Variants in CACNA2D3 observed in about 807,000 individuals in gnomAD.
CACNA2D3 encodes calcium voltage-gated channel auxiliary subunit alpha2delta 3.
Under a neutral mutation model 160.6 loss-of-function variants are expected in CACNA2D3, and 60 were observed. The ratio of observed to expected loss-of-function variants is 0.37; its 90% CI spans 0.30 to 0.46. The LOEUF (loss-of-function observed/expected upper bound fraction) is 0.46, where lower values mean the gene tolerates loss of function less well. Ranked by LOEUF, CACNA2D3 falls within the 20% of genes least tolerant of loss-of-function variation. The pLI is 1.00. For synonymous variants in CACNA2D3, 558 were observed against 492.9 expected (o/e 1.13, Z -1.75); for missense variants, 1,205 against 1,365.0 (o/e 0.88, Z 1.85).
At chr3:54,668,303 C>T (rs746903263) in intron 11 of CACNA2D3, among the ~76,000 whole-genome samples, 1 of 152,088 alleles carries the variant, frequency 6.6e-6, no homozygotes, top group Non-Finnish European at 1.5e-5. Flanking sequence ...AAGACCTGAG[C>T]CTTCATTCTC....
At chr3:54,305,753 T>C (rs1703583618) in intron 2 of CACNA2D3, among the ~76,000 whole-genome samples, 1 of 152,178 alleles carries the variant, frequency 6.6e-6, no homozygotes, top group African/African-American at 2.4e-5. Context: ...ACTATAAATA[T>C]AGATGAGAAA....
At chr3:54,452,099 T>C (rs1001215506) in intron 4 of CACNA2D3, among the ~76,000 whole-genome samples, 10 of 152,208 alleles carry the variant, frequency 6.6e-5, no homozygotes, top group Admixed American at 5.9e-4. Flanking sequence ...ATTAGTCTGT[T>C]CTCAGGCTGC....
At chr3:54,819,206 C>T (rs1196786523) in intron 14 of CACNA2D3, among the ~76,000 whole-genome samples, 2 of 152,176 alleles carry the variant, frequency 1.3e-5, no homozygotes, top group Admixed American at 6.5e-5. Flanking sequence ...GGCCTTCATC[C>T]ATTTGTTACC....
At chr3:54,140,835 T>A (rs1350622009) in intron 2 of CACNA2D3, among the ~76,000 whole-genome samples, 1 of 152,142 alleles carries the variant, frequency 6.6e-6, no homozygotes, top group Non-Finnish European at 1.5e-5. Context: ...ATAGTCTCTG[T>A]CAGAAAATAT....
At chr3:54,484,428 G>A (rs1184333921) in intron 4 of CACNA2D3, among the ~76,000 whole-genome samples, 2 of 152,182 alleles carry the variant, frequency 1.3e-5, no homozygotes, top group Middle Eastern at 3.4e-3. Context: ...GCTCTGTGTT[G>A]AAGATGCTAG....
At chr3:54,262,168 G>A (rs1447361873) in intron 2 of CACNA2D3, among the ~76,000 whole-genome samples, 1 of 152,194 alleles carries the variant, frequency 6.6e-6, no homozygotes, top group Non-Finnish European at 1.5e-5. Flanking sequence ...GCAAGGATGG[G>A]TAGATTTTGC....
intron 4 of CACNA2D3, among the ~76,000 whole-genome samples, chr3:54,458,602 T>A (rs546540463): frequency 6.6e-6 from 1 of 152,192 alleles, no homozygotes; most frequent in Non-Finnish European, 1.5e-5. Flanking sequence ...TAGCATTCTC[T>A]CTTTGTCTCA....
At chr3:54,923,457 T>G (rs1700911641) in intron 27 of CACNA2D3, among the ~76,000 whole-genome samples, 1 of 152,154 alleles carries the variant, frequency 6.6e-6, no homozygotes, top group African/African-American at 2.4e-5. Context: ...CATCTTCCCA[T>G]CCATCCTATC....
At chr3:54,978,000 A>G (rs1047586591) in intron 29 of CACNA2D3, among the ~76,000 whole-genome samples, 1 of 152,102 alleles carries the variant, frequency 6.6e-6, no homozygotes, top group African/African-American at 2.4e-5. Flanking sequence ...TATCTTCCTG[A>G]CGTTGCCATG....
intron 11 of CACNA2D3, among the ~76,000 whole-genome samples, chr3:54,695,813 A>G (rs1002892768): frequency 6.6e-6 from 1 of 152,178 alleles, no homozygotes; most frequent in Non-Finnish European, 1.5e-5. Context: ...TCATAGATGG[A>G]TATTAACTTT....
At chr3:54,683,417 A>T (rs1302795942) in intron 11 of CACNA2D3, among the ~76,000 whole-genome samples, 2 of 152,204 alleles carry the variant, frequency 1.3e-5, no homozygotes, top group Non-Finnish European at 2.9e-5. Context: ...TAGTGATTAC[A>T]AGCATGGATT....
chr3:54,577,758 C>A (rs1213771464), intron 8 of CACNA2D3, among the ~76,000 whole-genome samples: 1 of 152,164 alleles, frequency 6.6e-6, no homozygotes, highest in Non-Finnish European at 1.5e-5. Flanking sequence ...AGTTAGAATA[C>A]CTGTTTCCCC....
intron 27 of CACNA2D3, among the ~76,000 whole-genome samples, chr3:54,915,600 G>T (rs1229044109): frequency 2.0e-5 from 3 of 152,040 alleles, no homozygotes; most frequent in Non-Finnish European, 4.4e-5. Flanking sequence ...GATAATTTGT[G>T]GTTCTCACAG....
chr3:54,579,074 A>G (rs1702633595), intron 8 of CACNA2D3, among the ~76,000 whole-genome samples: 1 of 152,212 alleles, frequency 6.6e-6, no homozygotes, highest in Admixed American at 6.5e-5. Context: ...AACCCCAGGA[A>G]TCAATTTTGA....
chr3:54,225,027 A>C (rs1322017950), intron 2 of CACNA2D3, among the ~76,000 whole-genome samples: 1 of 150,036 alleles, frequency 6.7e-6, no homozygotes, highest in African/African-American at 2.5e-5. Flanking sequence ...ATATGTATAC[A>C]TGTGCCATGT....
chr3:54,203,532 A>G (rs546181967), intron 2 of CACNA2D3, among the ~76,000 whole-genome samples: 11 of 152,306 alleles, frequency 7.2e-5, no homozygotes, highest in Non-Finnish European at 1.3e-4. Context: ...GGTATACTGG[A>G]AGAATCTGAT....
In CACNA2D3 at chr3:54,941,944, A is replaced by C. The variant is rs182496015; in HGVS notation, c.2450-26506A>C. 2.6e-4 allele frequency among the ~76,000 whole-genome samples: 39 copies of C among 152,346 alleles called. No individual in the cohort carries two copies. The Middle Eastern group carries it at 0.01, about 40-fold the overall frequency. On this transcript the variant is annotated intron_variant, in intron 27 of 37. Transcript: ENST00000474759. ...TAAACTTCAACCTCGTGAAATGGCA[A>C]TGACAGCTGCCTTTCAGTAAACCTA...
chr3:54,806,721 A>C (rs1391592744), intron 13 of CACNA2D3, among the ~76,000 whole-genome samples: 1 of 152,186 alleles, frequency 6.6e-6, no homozygotes, highest in South Asian at 2.1e-4. Context: ...TTCATATGGA[A>C]CCAAAAAAGA....
intron 4 of CACNA2D3, among the ~76,000 whole-genome samples, chr3:54,473,053 A>T (rs918120317): frequency 6.6e-6 from 1 of 152,178 alleles, no homozygotes; most frequent in Admixed American, 6.5e-5. Context: ...GTGTGGAACC[A>T]AAAAAGAGCC....
Sources: allele counts gnomAD v4.1 joint callset (sites outside exome capture counted in the v4.1 genomes callset), GRCh38; gene constraint gnomAD v4.1.1; transcripts MANE v1.5; gene names NCBI Gene and HGNC (gene_info 2026-07-23, HGNC 2026-07-21).